The following STRN3 variants were observed in gnomAD, a reference collection of about 807,000 sequenced individuals.
The protein encoded by STRN3 is striatin 3.
A neutral mutation model predicts 95.6 loss-of-function variants in STRN3; 29 were observed. The observed-to-expected ratio is 0.30, with a 90% confidence interval of 0.23 to 0.41. The LOEUF (loss-of-function observed/expected upper bound fraction) is 0.41. Ranked by LOEUF, STRN3 falls within the 10% of genes least tolerant of loss-of-function variation. The probability of loss-of-function intolerance (pLI) is 1.00; values close to 1 mark genes in which losing one functional copy is unlikely to be tolerated. For missense variants in STRN3, 890 were observed against 972.1 expected, an observed-to-expected ratio of 0.92 and a Z score of 1.12; for synonymous variants, 331 against 357.6, an observed-to-expected ratio of 0.93 and a Z score of 0.84.
intron 7 of STRN3, among the ~76,000 whole-genome samples, chr14:30,933,412 T>C (rs1203750881): frequency 6.7e-6 from 1 of 150,356 alleles, no homozygotes; most frequent in African/African-American, 2.4e-5. Context: ...ACTTATAAAA[T>C]ATTCATCTTC....
chr14:30,929,967 A>AAAAAAAAAAAAAAAAAAAAAAAAAAAAAC (rs1555317336), intron 7 of STRN3, among the ~76,000 whole-genome samples: 943 of 90,588 alleles, frequency 0.01, 33 homozygotes, highest in Middle Eastern at 0.019. Flanking sequence ...AAAAAAAAAA[A>AAAAAAAAAAAAAAAAAAAAAAAAAAAAAC]AAAAAAAAAA....
At chr14:31,012,662 G>A (rs1487503565) in intron 1 of STRN3, among the ~76,000 whole-genome samples, 1 of 152,190 alleles carries the variant, frequency 6.6e-6, no homozygotes, top group Admixed American at 6.5e-5. Context: ...GGGAGACCGA[G>A]GCGGGTGGAT....
intron 1 of STRN3, among the ~76,000 whole-genome samples, chr14:31,012,890 G>A (rs555194608): frequency 7.6e-5 from 11 of 144,990 alleles, no homozygotes; most frequent in African/African-American, 1.8e-4. Flanking sequence ...GCAAAACTCC[G>A]TCTCAAAAAA....
At position 30,979,590 on chromosome 14, in the gene STRN3, T is replaced by A. The variant is rs1475051440; in HGVS notation, c.283-23348A>T. On this transcript the variant is annotated intron_variant, in intron 1 of 17. Transcript: ENST00000357479. The stretch of plus-strand genomic sequence containing the variant: ...AAAAGGTGTTCGTTGATTTGCGACA[T>A]TTTATTTTTATTTATTTATTTATTT... 2.0e-5 allele frequency among the ~76,000 whole-genome samples: 3 copies of A among 152,056 alleles called. No individual in the cohort carries two copies. The East Asian group carries it at 5.8e-4, about 29-fold the overall frequency.
At chr14:30,996,045 T>G (rs1390646715) in intron 1 of STRN3, among the ~76,000 whole-genome samples, 3 of 152,222 alleles carry the variant, frequency 2.0e-5, no homozygotes, top group African/African-American at 7.2e-5. Context: ...TGGGTTCAAG[T>G]GAGCTTTTTG....
Position 31,026,179 on chromosome 14 carries a change from C to T in STRN3, c.7G>A (p.Glu3Lys). 6.8e-7 allele frequency: 1 copy of T among 1,472,322 alleles called. No individual in the cohort carries two copies. The highest frequency in any genetic ancestry group is 8.9e-7 in the Non-Finnish European group (1 of 1,120,250). 91.2% of individuals were successfully genotyped at this position (1,472,322 alleles called of 1,614,324 possible). The change falls in exon 1 of 18, where the codon GAG (glutamate) becomes AAG (lysine). Residue 3 changes from glutamate to lysine, a missense_variant. Around this residue, in one of 3 missense-constraint regions of STRN3, gnomAD observed 526 missense variants for 526.3 expected, o/e 1.00. Coordinates refer to ENST00000357479, the MANE Select transcript of STRN3 (RefSeq NM_001083893.2). ...CCGCCACCACCGCCTCCGGCAAGCTCGTCCATTGTGTGTGGGGCCCCGGCC... is the reference window on the plus strand; with the variant it reads ...CCGCCACCACCGCCTCCGGCAAGCTTGTCCATTGTGTGTGGGGCCCCGGCC... MD[E>K]LAGGGGGGPG...
chr14:31,023,104 G>C (rs1013434406), intron 1 of STRN3, among the ~76,000 whole-genome samples: 4 of 152,174 alleles, frequency 2.6e-5, no homozygotes, highest in African/African-American at 4.8e-5. Context: ...AAAAAGAAAA[G>C]TGTAGTGTAG....
chr14:30,967,081 G>A (rs1231625568), intron 1 of STRN3, among the ~76,000 whole-genome samples: 1 of 152,060 alleles, frequency 6.6e-6, no homozygotes, highest in African/African-American at 2.4e-5. Flanking sequence ...CATCCCTGGT[G>A]TTAAGGGGTT....
intron 9 of STRN3, among the ~76,000 whole-genome samples, chr14:30,917,342 T>A (rs955595717): frequency 6.6e-6 from 1 of 152,186 alleles, no homozygotes; most frequent in East Asian, 1.9e-4. Context: ...CTAAGTTGGT[T>A]TTTGTGTAGA....
At chr14:31,006,862 G>C (rs1294142124) in intron 1 of STRN3, among the ~76,000 whole-genome samples, 1 of 152,020 alleles carries the variant, frequency 6.6e-6, no homozygotes, top group Admixed American at 6.6e-5. Context: ...TGCAATCCCA[G>C]CCACTCTGGA....
intron 4 of STRN3, among the ~76,000 whole-genome samples, chr14:30,947,556 C>A (rs980197838): frequency 6.6e-6 from 1 of 152,076 alleles, no homozygotes; most frequent in Non-Finnish European, 1.5e-5. Flanking sequence ...CACACACACA[C>A]ATTTTTAAAT....
chr14:31,001,600 G>A (rs182503493), intron 1 of STRN3, among the ~76,000 whole-genome samples: 3 of 151,622 alleles, frequency 2.0e-5, no homozygotes, highest in African/African-American at 7.3e-5. Context: ...ACATCAGATA[G>A]AAAGCACTAA....
intron 1 of STRN3, among the ~76,000 whole-genome samples, chr14:31,002,501 G>C (rs935824279): frequency 2.0e-5 from 3 of 149,270 alleles, no homozygotes; most frequent in African/African-American, 7.4e-5. Context: ...AAATTAGCTG[G>C]TCACAGTGGC....
intron 17 of STRN3, 30 bp from the exon 18 acceptor site, chr14:30,895,610 G>A (rs766313663): frequency 1.2e-6 from 2 of 1,609,708 alleles, no homozygotes; most frequent in South Asian, 1.1e-5. Flanking sequence ...ATTTGTTACT[G>A]AGTAACAATC....
chr14:31,026,159 A>G lies in STRN3; in HGVS notation c.27T>C (p.Gly9=). 6.7e-7 allele frequency: 1 copy of G among 1,486,362 alleles called. No homozygotes were observed. The highest frequency in any genetic ancestry group is 8.9e-7 in the Non-Finnish European group (1 of 1,125,660). 92.1% of individuals were successfully genotyped at this position (1,486,362 alleles called of 1,614,324 possible). Residue 9 remains glycine, a synonymous_variant, in exon 1 of 18, where the codon GGT becomes GGC. Transcript: ENST00000357479. MDELAGGG[G]GGPGMAAPPR... ...GAGGGGCCGCCATCCCCGGGCCGCC[A>G]CCACCGCCTCCGGCAAGCTCGTCCA... is the stretch of plus-strand genomic sequence containing the variant.
At chr14:30,994,506 T>C (rs572206717) in intron 1 of STRN3, among the ~76,000 whole-genome samples, 30 of 152,318 alleles carry the variant, frequency 2.0e-4, no homozygotes, top group Admixed American at 1.8e-3. Context: ...ACTGTATGCA[T>C]AGGGATCTTA....
In STRN3 at chr14:31,003,796, T is replaced by TTAAAAAA. The variant is rs71112372; in HGVS notation, c.282+22107_282+22108insTTTTTTA. ...ACCTTAATGCAAAACACATCTTTCT[T>TTAAAAAA]AAAAAAAAAAAAAAAAAAAAACTTG... is the stretch of plus-strand genomic sequence containing the variant. On this transcript the variant is annotated intron_variant, in intron 1 of 17. Transcript: ENST00000357479. 9.6e-4 allele frequency among the ~76,000 whole-genome samples: 111 copies of TTAAAAAA among 115,470 alleles called. 11 individuals are homozygous for TTAAAAAA. The highest frequency in any genetic ancestry group is 2.4e-3 in the African/African-American group (73 of 30,728). The allele number at this position is 115,470 out of a possible 152,430, so 75.8% of individuals were successfully genotyped here.
chr14:30,900,191 CTACTAAAAATATAA>C (rs1896267429), intron 16 of STRN3, among the ~76,000 whole-genome samples: 1 of 150,582 alleles, frequency 6.6e-6, no homozygotes, highest in South Asian at 2.1e-4. Flanking sequence ...AAGCCTGTCT[CTACTAAAAATATAA>C]AAAATTAGAC....
At chr14:30,896,907 A>G (rs1282150502) in intron 16 of STRN3, among the ~76,000 whole-genome samples, 1 of 152,244 alleles carries the variant, frequency 6.6e-6, no homozygotes, top group African/African-American at 2.4e-5. Flanking sequence ...TTGTGAACAC[A>G]AAGTTGTATT....
Sources: gnomAD v4.1 joint callset for allele counts (sites outside exome capture counted in the v4.1 genomes callset) on GRCh38, gnomAD v4.1.1 for gene constraint, gnomAD v4.1.1 regional missense constraint, MANE v1.5 for transcripts, NCBI Gene and HGNC (gene_info 2026-07-23, HGNC 2026-07-21) for gene names.